Variants in SULT2B1 observed in about 807,000 individuals in gnomAD.
SULT2B1 encodes the protein sulfotransferase family 2B member 1.
SULT2B1 carries 16 observed loss-of-function variants against 33.2 expected under a neutral mutation model. That is an observed-to-expected ratio of 0.48 (90% CI 0.33 to 0.73). The LOEUF is 0.73. Ranked by LOEUF, SULT2B1 falls within the 30% of genes least tolerant of loss-of-function variation. SULT2B1 has a pLI of 0.02. For missense variants in SULT2B1, 500 were observed against 506.0 expected (o/e 0.99, Z 0.11); for synonymous variants, 186 against 200.5 (o/e 0.93, Z 0.61).
chr19:48,598,842 C>A (rs566351653), intron 6 of SULT2B1, among the ~76,000 whole-genome samples: 1 of 152,106 alleles, frequency 6.6e-6, no homozygotes, highest in South Asian at 2.1e-4. Flanking sequence ...GGGTTGGAGG[C>A]AGAGGTTCTG....
chr19:48,567,373 C>A (rs951923006), intron 1 of SULT2B1, among the ~76,000 whole-genome samples: 2 of 151,464 alleles, frequency 1.3e-5, no homozygotes, highest in African/African-American at 4.9e-5. Flanking sequence ...ACCAGCCTGA[C>A]CAACATGGAG....
chr19:48,592,175 C>T (rs1290409947), intron 4 of SULT2B1, among the ~76,000 whole-genome samples: 1 of 152,020 alleles, frequency 6.6e-6, no homozygotes, highest in African/African-American at 2.4e-5. Context: ...GCCTGTAGTC[C>T]CAGCTACTTG....
intron 3 of SULT2B1, among the ~76,000 whole-genome samples, chr19:48,588,524 C>A (rs1012093302): frequency 6.1e-5 from 9 of 147,970 alleles, no homozygotes; most frequent in African/African-American, 2.3e-4. Context: ...AAAAAAAAAC[C>A]CCCATATATT....
chr19:48,591,534 G>C (rs990899641), intron 3 of SULT2B1, 75 bp from the exon 4 acceptor site: 1 of 1,526,912 alleles, frequency 6.5e-7, no homozygotes, highest in African/African-American at 1.4e-5. Context: ...GGGGTCTCCA[G>C]GGCAGGAGGC....
At chr19:48,584,295 G>C (rs1202245848) in intron 2 of SULT2B1, among the ~76,000 whole-genome samples, 7 of 152,192 alleles carry the variant, frequency 4.6e-5, no homozygotes. Flanking sequence ...GGGTGACTGA[G>C]AAGTTCACTG....
intron 2 of SULT2B1, among the ~76,000 whole-genome samples, chr19:48,582,169 T>C (rs371997594): frequency 6.6e-6 from 1 of 152,146 alleles, no homozygotes; most frequent in East Asian, 1.9e-4. Flanking sequence ...CCTCCCAAAG[T>C]GCAGGGATTA....
intron 1 of SULT2B1, among the ~76,000 whole-genome samples, chr19:48,572,074 G>A (rs1973337564): frequency 1.3e-5 from 2 of 152,142 alleles, no homozygotes; most frequent in African/African-American, 4.8e-5. Flanking sequence ...TTGGCATAGA[G>A]TTTCTGTACG....
intron 1 of SULT2B1, among the ~76,000 whole-genome samples, chr19:48,574,362 G>A (rs1418133385): frequency 6.6e-6 from 1 of 152,214 alleles, no homozygotes; most frequent in Admixed American, 6.6e-5. Flanking sequence ...GGCCTCTGGG[G>A]AGTGGGGGAG....
In SULT2B1 at chr19:48,578,003, G is replaced by A. The variant is rs185963559; in HGVS notation, c.214+1920G>A. On this transcript the variant is annotated intron_variant, in intron 2 of 6. Coordinates refer to ENST00000201586, the MANE Select transcript of SULT2B1 (RefSeq NM_177973.2). ...AGGCTGAAGTAGGAGGATCACTTGA[G>A]GCCAAGAGTTCAAGCCCAGCCTGGG... is the stretch of plus-strand genomic sequence containing the variant. Among the ~76,000 whole-genome samples, 420 of 152,202 alleles carry A rather than the reference G, an allele frequency of 2.8e-3. 5 individuals are homozygous for A. Among genetic ancestry groups the A allele is most frequent in the Admixed American group, 0.026 (393 of 15,244 alleles).
intron 1 of SULT2B1, chr19:48,575,469 T>A (rs1032552794): frequency 1.4e-5 from 2 of 139,388 alleles, no homozygotes; most frequent in African/African-American, 6.1e-5. Flanking sequence ...TAAAAATATA[T>A]ATATATATAT....
At position 48,568,621 on chromosome 19, in the gene SULT2B1, G is replaced by A. The variant is rs571626607; in HGVS notation, c.72-7320G>A. 5.3e-5 allele frequency among the ~76,000 whole-genome samples: 8 copies of A among 152,304 alleles called. No homozygotes were observed. The South Asian group carries it at 1.7e-3, about 32-fold the overall frequency. ...TGGCGGGGAGAACAGCCCGGACAGA[G>A]GCAGGGCAGGGCGCCGGGACACTGC... is the stretch of plus-strand genomic sequence containing the variant. On this transcript the variant is annotated intron_variant, in intron 1 of 6. Transcript: ENST00000201586.
intron 1 of SULT2B1, among the ~76,000 whole-genome samples, chr19:48,574,580 T>C (rs564964284): frequency 2.0e-5 from 3 of 152,336 alleles, no homozygotes; most frequent in East Asian, 3.9e-4. Flanking sequence ...AAACAGAGCT[T>C]CCGTTTCCTG....
chr19:48,571,533 T>C (rs1179983812), intron 1 of SULT2B1, among the ~76,000 whole-genome samples: 2 of 151,910 alleles, frequency 1.3e-5, no homozygotes, highest in African/African-American at 4.8e-5. Flanking sequence ...CTTCAAGCGA[T>C]CCTCCTGCCT....
intron 1 of SULT2B1, among the ~76,000 whole-genome samples, chr19:48,572,181 G>A (rs934812982): frequency 6.6e-6 from 1 of 152,124 alleles, no homozygotes; most frequent in African/African-American, 2.4e-5. Flanking sequence ...CCCATCTCCT[G>A]GGGCAAGGAG....
Position 48,552,387 on chromosome 19 carries a change from C to G in SULT2B1, c.71+64C>G. ...GGAGGAGGTGGCTGTTTGGGGGAGC[C>G]GGGGACTGTGGCAAGGGTGGCCTCC... On this transcript the variant is annotated intron_variant, in intron 1 of 6. Transcript: ENST00000201586. The surrounding 1 kb of genome is among the most constrained non-coding windows in gnomAD (Gnocchi z 4.8). 1 of 1,528,896 alleles carries G rather than the reference C, an allele frequency of 6.5e-7. No individual in the cohort carries two copies. Among genetic ancestry groups the G allele is most frequent in the Non-Finnish European group, 8.9e-7 (1 of 1,126,866 alleles). The allele number at this position is 1,528,896 out of a possible 1,614,324, so 94.7% of individuals were successfully genotyped here.
chr19:48,570,721 T>TC (rs766412437), intron 1 of SULT2B1, among the ~76,000 whole-genome samples: 12 of 89,674 alleles, frequency 1.3e-4, no homozygotes, highest in African/African-American at 6.3e-4. Context: ...GTTTTCCGTT[T>TC]TTGTTTTTGT....
chr19:48,565,962 G>C (rs1383030051), intron 1 of SULT2B1, among the ~76,000 whole-genome samples: 1 of 150,196 alleles, frequency 6.7e-6, no homozygotes, highest in Non-Finnish European at 1.5e-5. Flanking sequence ...ACCCAGGCTG[G>C]AGTGCAATGG....
At chr19:48,560,139 C>T (rs996095475) in intron 1 of SULT2B1, among the ~76,000 whole-genome samples, 1 of 152,100 alleles carries the variant, frequency 6.6e-6, no homozygotes, top group African/African-American at 2.4e-5. Flanking sequence ...GGGCTCGCAG[C>T]TGACTCAGCA....
intron 1 of SULT2B1, among the ~76,000 whole-genome samples, chr19:48,556,652 TAA>T (rs747543551): frequency 4.2e-5 from 6 of 141,420 alleles, no homozygotes; most frequent in Non-Finnish European, 4.7e-5. Context: ...ATATGTGATT[TAA>T]AAAAAAAAAA....
Sources: allele counts gnomAD v4.1 joint callset (sites outside exome capture counted in the v4.1 genomes callset), GRCh38; gene constraint gnomAD v4.1.1; non-coding constraint Gnocchi (gnomAD v3.1); transcripts MANE v1.5; gene names NCBI Gene and HGNC (gene_info 2026-07-23, HGNC 2026-07-21).